Variants in C19orf38 observed in about 807,000 individuals in gnomAD.
C19orf38 encodes the protein chromosome 19 open reading frame 38.
A neutral mutation model predicts 26.6 loss-of-function variants in C19orf38; 14 were observed. The ratio of observed to expected loss-of-function variants is 0.53; its 90% confidence interval spans 0.35 to 0.82. The LOEUF (loss-of-function observed/expected upper bound fraction) is 0.82, where lower values mean the gene tolerates loss of function less well. Ranked by LOEUF, C19orf38 falls within the 40% of genes least tolerant of loss-of-function variation. The probability of loss-of-function intolerance (pLI) is 0.01; values close to 1 mark genes in which losing one functional copy is unlikely to be tolerated. For missense variants in C19orf38, 261 were observed against 299.5 expected (o/e 0.87, Z 0.95); for synonymous variants, 132 against 128.5 (o/e 1.03, Z -0.18).
At position 10,863,099 on chromosome 19, in the gene C19orf38, C is replaced by T. The variant is rs2073717875; in HGVS notation, c.506-71C>T. 1.4e-5 allele frequency: 20 copies of T among 1,469,362 alleles called. 1 individual carries two copies. The highest frequency in any genetic ancestry group is 1.8e-4 in the Middle Eastern group (1 of 5,408). The allele number at this position is 1,469,362 out of a possible 1,614,324, so 91.0% of individuals were successfully genotyped here. A position where few individuals can be genotyped will look rare whatever the true frequency, so the allele number is the denominator to read the frequency against. On this transcript the variant is annotated intron_variant, in intron 5 of 6. Transcript: ENST00000397820. ...CTTCCCTGTGGGCTGGGGGGCAGTG[C>T]GGGGATGGCAGGGAGCAGGGAAGTT...
intron 3 of C19orf38, 127 bp downstream of exon 3, chr19:10,856,484 T>G (rs1416713468): frequency 3.6e-6 from 2 of 550,548 alleles, no homozygotes; most frequent in Admixed American, 7.1e-5. Context: ...CACACCCCTT[T>G]TAAAAGTATT....
Position 10,848,450 on chromosome 19 carries a change from G to A in C19orf38, c.-59G>A. 2 of 1,537,002 alleles carry A rather than the reference G, an allele frequency of 1.3e-6. No individual in the cohort carries two copies. Among genetic ancestry groups the A allele is most frequent in the Non-Finnish European group, 1.8e-6 (2 of 1,134,000 alleles). On this transcript the variant is annotated 5_prime_UTR_variant, in exon 1 of 7. Transcript: ENST00000397820. Reference sequence around the variant, plus strand: ...CGATCTGGCCTCACAGGAGGAGTTGGCGGGGAGCCTTGGGCCCCTCTGGCC... The same window carrying A: ...CGATCTGGCCTCACAGGAGGAGTTGACGGGGAGCCTTGGGCCCCTCTGGCC...
Position 10,859,934 on chromosome 19 carries a change from G to C in C19orf38, c.481G>C (p.Ala161Pro), listed in dbSNP as rs116126071. The change falls in exon 5 of 7, where the codon GCC becomes CCC. Residue 161 changes from alanine (A) to proline (P), a missense_variant. Physicochemically the swap from Ala to Pro is conservative, Grantham distance 27 (BLOSUM62 -1). Coordinates refer to ENST00000397820, the MANE Select transcript of C19orf38 (RefSeq NM_001136482.3). ...QKKRDRESCW[A>P]QINFDSTDMS... is the part of the protein sequence containing the mutation. ...TTGCAGAGATCGAGAATCCTGCTGG[G>C]CCCAGATTAACTTCGACAGCACAGG... is the stretch of plus-strand genomic sequence containing the variant. 2.3e-4 allele frequency: 364 copies of C among 1,551,914 alleles called. No homozygotes were observed. The African/African-American group carries it at 2.8e-3, about 12-fold the overall frequency.
At chr19:10,859,383 TA>T (rs1318330241) in intron 4 of C19orf38, among the ~76,000 whole-genome samples, 314 of 29,630 alleles carry the variant, frequency 0.011, 1 homozygote, top group South Asian at 0.024. Flanking sequence ...TATATATATA[TA>T]TTTTTTTTTT....
At chr19:10,860,309 A>G (rs4318317) in intron 5 of C19orf38, among the ~76,000 whole-genome samples, 44,418 of 151,532 alleles carry the variant, frequency 0.29, 6,673 homozygotes, top group East Asian at 0.54. Context: ...TGAGGCAGGC[A>G]GATCACGAGG....
At chr19:10,847,607 G>T (rs561353938), upstream of C19orf38, among the ~76,000 whole-genome samples, 1 of 152,028 alleles carries the variant, frequency 6.6e-6, no homozygotes, top group East Asian at 2.0e-4. Flanking sequence ...GACCTCAGGT[G>T]ATCTGCCCAC....
chr19:10,850,368 G>T lies in C19orf38; in HGVS notation c.141G>T (p.Ala47=). The change falls in exon 2 of 7, where the codon GCG becomes GCT. Residue 47 remains alanine, a synonymous_variant. Coordinates refer to ENST00000397820, the MANE Select transcript of C19orf38 (RefSeq NM_001136482.3). ...ACMAPGNFPG[A]NFTLYRGGQV... ...TGGCCCCTGGGAACTTCCCGGGGGC[G>T]AATTTCACACTGTATCGAGGGGGGC... The T allele has an allele frequency of 6.4e-7, 1 of 1,551,032 alleles. No homozygotes were observed. Among genetic ancestry groups the T allele is most frequent in the Non-Finnish European group, 8.7e-7 (1 of 1,146,718 alleles).
chr19:10,869,444 C>A lies in C19orf38; in HGVS notation c.*77C>A. ...CCCTCCAGCTACTTCTGGGGGGGCT[C>A]TGTCAGCCACTTTCTCAGGGAATTG... On this transcript the variant is annotated 3_prime_UTR_variant, in exon 7 of 7. Coordinates refer to ENST00000397820, the MANE Select transcript of C19orf38 (RefSeq NM_001136482.3). 1 of 1,442,032 alleles carries A rather than the reference C, an allele frequency of 6.9e-7. No individual in the cohort carries two copies. The highest frequency in any genetic ancestry group is 1.4e-5 in the South Asian group (1 of 70,962). The allele number at this position is 1,442,032 out of a possible 1,614,324, so 89.3% of individuals were successfully genotyped here. A position where few individuals can be genotyped will look rare whatever the true frequency, so the allele number is the denominator to read the frequency against.
chr19:10,849,019 G>A (rs2073542896), intron 1 of C19orf38, among the ~76,000 whole-genome samples: 1 of 151,944 alleles, frequency 6.6e-6, no homozygotes, highest in Non-Finnish European at 1.5e-5. Context: ...AGGAAGCCGT[G>A]CTCCAAAATC....
intron 3 of C19orf38, among the ~76,000 whole-genome samples, chr19:10,857,358 ATATATATATTTT>A (rs2073638180): frequency 1.2e-5 from 1 of 82,484 alleles, no homozygotes; most frequent in Non-Finnish European, 2.0e-5. Context: ...ATATATATAT[ATATATATATTTT>A]TTTTTTTTTT....
intron 1 of C19orf38, among the ~76,000 whole-genome samples, chr19:10,836,985 G>A (rs1599650916): frequency 6.6e-6 from 1 of 152,326 alleles, no homozygotes; most frequent in African/African-American, 2.4e-5. Context: ...CAGGTAGGAA[G>A]AGATAAGGAC....
rs1301691838 is a variant in C19orf38 at position 10,869,366 on chromosome 19, G to A, written c.692G>A (p.Ter231=). The A allele has an allele frequency of 1.9e-6, 3 of 1,549,482 alleles. No individual in the cohort carries two copies. In the Admixed American group the frequency reaches 5.9e-5, roughly 31 times the overall value. Residue 231 remains the stop codon, a stop_retained_variant, in exon 7 of 7, where the codon TGA becomes TAA. Coordinates refer to ENST00000397820, the MANE Select transcript of C19orf38 (RefSeq NM_001136482.3). ...TTCAGCACTTTCCGGGCCTGCCAGT[G>A]AGGCTGAGGACTGGGGGACCCCTCT... ...PEFSTFRACQ[*] is the part of the protein sequence containing the mutation.
chr19:10,862,230 A>C (rs1474928286), intron 5 of C19orf38, among the ~76,000 whole-genome samples: 1 of 138,354 alleles, frequency 7.2e-6, no homozygotes, highest in Non-Finnish European at 1.5e-5. Context: ...TTTGAGACAG[A>C]GTCTTGCTCT....
chr19:10,844,682 C>T (rs1010803353), upstream of C19orf38, among the ~76,000 whole-genome samples: 1 of 150,674 alleles, frequency 6.6e-6, no homozygotes, highest in African/African-American at 2.4e-5. Context: ...CCCGTCTCTA[C>T]TAAAAAATAC....
intron 1 of C19orf38, among the ~76,000 whole-genome samples, chr19:10,849,962 G>A (rs2073552608): frequency 6.6e-6 from 1 of 152,064 alleles, no homozygotes; most frequent in African/African-American, 2.4e-5. Flanking sequence ...CTACTTGGGA[G>A]GCTGGAGAAT....
Position 10,869,386 on chromosome 19 carries a change from C to G in C19orf38, c.*19C>G. On this transcript the variant is annotated 3_prime_UTR_variant, in exon 7 of 7. Transcript: ENST00000397820. ...CCAGTGAGGCTGAGGACTGGGGGACCCCTCTGTCTCCAGGCATTCGGGGGC... is the reference window on the plus strand; with the variant it reads ...CCAGTGAGGCTGAGGACTGGGGGACGCCTCTGTCTCCAGGCATTCGGGGGC... The G allele has an allele frequency of 6.5e-7, 1 of 1,535,134 alleles. No homozygotes were observed. The highest frequency in any genetic ancestry group is 8.8e-7 in the Non-Finnish European group (1 of 1,140,064).
chr19:10,843,850 G>A (rs956623327), upstream of C19orf38, among the ~76,000 whole-genome samples: 5 of 152,184 alleles, frequency 3.3e-5, no homozygotes, highest in Admixed American at 2.6e-4. Flanking sequence ...TGGGCATGGC[G>A]GCTCATGCCT....
At chr19:10,850,849 C>T (rs1417986057) in intron 2 of C19orf38, among the ~76,000 whole-genome samples, 2 of 152,080 alleles carry the variant, frequency 1.3e-5, no homozygotes, top group African/African-American at 2.4e-5. Flanking sequence ...CATTCTTCTC[C>T]GTCTTATTGT....
chr19:10,863,811 G>T (rs911547249), intron 6 of C19orf38, among the ~76,000 whole-genome samples: 2 of 152,128 alleles, frequency 1.3e-5, no homozygotes, highest in Non-Finnish European at 2.9e-5. Flanking sequence ...TACTTGGGAG[G>T]CTGAGACAGG....
Sources: allele counts gnomAD v4.1 joint callset (sites outside exome capture counted in the v4.1 genomes callset), GRCh38; gene constraint gnomAD v4.1.1; transcripts MANE v1.5; gene names NCBI Gene and HGNC (gene_info 2026-07-23, HGNC 2026-07-21).